RAPGEF4: variants seen among roughly 807,000 people sequenced by gnomAD.
RAPGEF4 encodes the protein RAP guanine-nucleotide-exchange factor (GEF) 4.
In RAPGEF4, 66 loss-of-function variants were observed where a neutral mutation model predicts 147.9. The ratio of observed to expected loss-of-function variants is 0.45; its 90% CI spans 0.37 to 0.55. RAPGEF4 has a LOEUF of 0.55. RAPGEF4 is among the 20% of genes least tolerant of loss of function. RAPGEF4 has a pLI of 0.00. For missense variants in RAPGEF4, 1,071 were observed against 1,257.3 expected, an observed-to-expected ratio of 0.85 and a Z score of 2.24; for synonymous variants, 419 against 442.7, an observed-to-expected ratio of 0.95 and a Z score of 0.67.
chr2:173,035,975 C>T, intron 27 of RAPGEF4, 150 bp from the exon 28 acceptor site: 1 of 600,840 alleles, frequency 1.7e-6, no homozygotes, highest in East Asian at 2.9e-5. Context: ...AGAAGAAAAG[C>T]CATGTATAAG....
intron 1 of RAPGEF4, among the ~76,000 whole-genome samples, chr2:172,737,308 G>A (rs1693882901): frequency 6.6e-6 from 1 of 152,328 alleles, no homozygotes; most frequent in South Asian, 2.1e-4. Context: ...ACAGGATTAT[G>A]TAGAAGAACT....
intron 17 of RAPGEF4, among the ~76,000 whole-genome samples, chr2:173,009,282 T>G (rs1426184310): frequency 6.6e-6 from 1 of 152,224 alleles, no homozygotes; most frequent in African/African-American, 2.4e-5. Context: ...GTTTTTTGTT[T>G]TTTTAGAAAA....
At chr2:173,024,058 T>C (rs990891635) in intron 23 of RAPGEF4, among the ~76,000 whole-genome samples, 2 of 152,064 alleles carry the variant, frequency 1.3e-5, no homozygotes, top group Non-Finnish European at 2.9e-5. Context: ...TTCGGTTCAG[T>C]TCCCTAAGAT....
chr2:172,975,373 C>T (rs183526043), intron 10 of RAPGEF4, among the ~76,000 whole-genome samples: 9 of 152,270 alleles, frequency 5.9e-5, no homozygotes, highest in Admixed American at 2.6e-4. Context: ...CCTCTTTGAA[C>T]CACTAAAAAG....
chr2:172,956,579 C>T (rs555539599), intron 6 of RAPGEF4, among the ~76,000 whole-genome samples: 2 of 151,616 alleles, frequency 1.3e-5, no homozygotes, highest in Admixed American at 6.6e-5. Flanking sequence ...ACGCCATTCT[C>T]CTGCCTCAGC....
chr2:172,797,728 T>C (rs1335278932), intron 3 of RAPGEF4, 115 bp downstream of exon 3: 1 of 779,950 alleles, frequency 1.3e-6, no homozygotes, highest in East Asian at 2.7e-5. Flanking sequence ...TTTCCCACAA[T>C]AAGGAGTTCA....
intron 4 of RAPGEF4, among the ~76,000 whole-genome samples, chr2:172,858,322 G>C (rs878877907): frequency 6.6e-6 from 1 of 152,012 alleles, no homozygotes; most frequent in African/African-American, 2.4e-5. Context: ...TGCTCTTTTT[G>C]ATTTTGTCAT....
chr2:172,886,573 T>G (rs1331924422), intron 4 of RAPGEF4, among the ~76,000 whole-genome samples: 1 of 152,202 alleles, frequency 6.6e-6, no homozygotes, highest in African/African-American at 2.4e-5. Context: ...CTTGAGAATT[T>G]TATGTGTTCT....
chr2:172,777,947 A>G (rs1398907590), intron 1 of RAPGEF4, among the ~76,000 whole-genome samples: 1 of 152,176 alleles, frequency 6.6e-6, no homozygotes, highest in African/African-American at 2.4e-5. Flanking sequence ...CATTACAGCC[A>G]GAAGTGGAAG....
At chr2:172,914,365 C>T (rs1354706743) in intron 4 of RAPGEF4, among the ~76,000 whole-genome samples, 1 of 104,206 alleles carries the variant, frequency 9.6e-6, no homozygotes, top group African/African-American at 3.8e-5. Flanking sequence ...GACAGAGTTT[C>T]ACTCAGTTGC....
intron 17 of RAPGEF4, among the ~76,000 whole-genome samples, chr2:173,012,773 G>A (rs1036003970): frequency 2.6e-5 from 4 of 152,106 alleles, no homozygotes; most frequent in Non-Finnish European, 5.9e-5. Context: ...CCCACTCTCG[G>A]GTGAACCAGT....
rs967193729 is a variant in RAPGEF4, at chr2:172,773,206, T to G, written c.66-21819T>G. On this transcript the variant is annotated intron_variant, in intron 1 of 30. Transcript: ENST00000397081. ...GATTTATTATTAATAATAGAAGGAG[T>G]TAGTGTTGTAAACAAATAATCATGC... Among the ~76,000 whole-genome samples, 6 of 152,170 alleles carry G rather than the reference T, an allele frequency of 3.9e-5. No individual in the cohort carries two copies. In the East Asian group the frequency reaches 1.2e-3, roughly 29 times the overall value.
chr2:172,950,193 A>AC (rs1231030252), intron 6 of RAPGEF4, among the ~76,000 whole-genome samples: 1 of 152,120 alleles, frequency 6.6e-6, no homozygotes, highest in African/African-American at 2.4e-5. Context: ...CAAGCTTGTG[A>AC]CCCAAACTCT....
chr2:172,818,016 C>A (rs182571534), intron 4 of RAPGEF4, among the ~76,000 whole-genome samples: 150 of 149,594 alleles, frequency 1.0e-3, no homozygotes, highest in Non-Finnish European at 2.0e-3. Flanking sequence ...TAAAAAGGAA[C>A]AAAATCATGG....
intron 4 of RAPGEF4, among the ~76,000 whole-genome samples, chr2:172,867,667 A>T (rs1251390796): frequency 6.6e-6 from 1 of 152,224 alleles, no homozygotes; most frequent in Non-Finnish European, 1.5e-5. Flanking sequence ...GATTGAGGGT[A>T]TGGCTATTTG....
chr2:172,984,990 T>C (rs1692094234), intron 11 of RAPGEF4, among the ~76,000 whole-genome samples: 1 of 152,236 alleles, frequency 6.6e-6, no homozygotes, highest in South Asian at 2.1e-4. Context: ...TGTTCGTTCA[T>C]TTAGGCTTCA....
At chr2:172,922,439 CT>C in intron 6 of RAPGEF4, 139 bp downstream of exon 6, 1 of 858,474 alleles carries the variant, frequency 1.2e-6, no homozygotes, top group South Asian at 1.5e-5. Flanking sequence ...ATTCTGGCAT[CT>C]TTGGCAAGTC....
At chr2:172,930,040 G>A (rs1450491805) in intron 6 of RAPGEF4, among the ~76,000 whole-genome samples, 1 of 152,104 alleles carries the variant, frequency 6.6e-6, no homozygotes, top group African/African-American at 2.4e-5. Flanking sequence ...TCTGCTTTGT[G>A]GAGACACATA....
chr2:172,771,356 G>A (rs943546797), intron 1 of RAPGEF4, among the ~76,000 whole-genome samples: 2 of 151,170 alleles, frequency 1.3e-5, no homozygotes, highest in African/African-American at 4.9e-5. Flanking sequence ...TGGGGGTTAG[G>A]ATTTCAACAT....
Sources: gnomAD v4.1 joint callset for allele counts (sites outside exome capture counted in the v4.1 genomes callset) on GRCh38, gnomAD v4.1.1 for gene constraint, MANE v1.5 for transcripts, NCBI Gene and HGNC (gene_info 2026-07-23, HGNC 2026-07-21) for gene names.